Variants in LRRC15 observed in about 807,000 individuals in gnomAD.
LRRC15 encodes leucine rich repeat containing 15.
A neutral mutation model predicts 4.3 loss-of-function variants in LRRC15; 5 were observed. The observed-to-expected ratio is 1.16, with a 90% CI of 0.61 to 2.44. The LOEUF (loss-of-function observed/expected upper bound fraction) is 2.44. LRRC15 is among the 30% of genes most tolerant of loss of function. LRRC15 has a pLI of 0.01. For synonymous variants in LRRC15, 337 were observed against 323.2 expected, an observed-to-expected ratio of 1.04 and a Z score of -0.46; for missense variants, 769 against 747.0, an observed-to-expected ratio of 1.03 and a Z score of -0.34.
chr3:194,364,243 G>C (rs1205304830), intron 1 of LRRC15, among the ~76,000 whole-genome samples: 4 of 152,160 alleles, frequency 2.6e-5, no homozygotes, highest in African/African-American at 9.7e-5. Flanking sequence ...TGTCCACCAA[G>C]ACAACGGTGC....
intron 1 of LRRC15, among the ~76,000 whole-genome samples, chr3:194,364,851 G>A (rs914904090): frequency 8.5e-5 from 13 of 152,356 alleles, no homozygotes; most frequent in South Asian, 2.1e-4. Context: ...TGGCGGCCAG[G>A]GCTCCACAGG....
At chr3:194,364,640 G>A (rs747313156) in intron 1 of LRRC15, among the ~76,000 whole-genome samples, 4 of 152,196 alleles carry the variant, frequency 2.6e-5, no homozygotes, top group Admixed American at 2.6e-4. Flanking sequence ...GCCAGGGAAG[G>A]TGCCCCTTGA....
Position 194,360,893 on chromosome 3 carries a change from G to A in LRRC15, c.151C>T (p.Leu51=). The A allele has an allele frequency of 6.2e-7, 1 of 1,606,880 alleles. No individual in the cohort carries two copies. Reference sequence around the variant, plus strand: ...TGCAGGCTCATGGCGTTCCAGGGCAGAGGGGTGGGCACTGCCACAATGCGT... The same window carrying A: ...TGCAGGCTCATGGCGTTCCAGGGCAAAGGGGTGGGCACTGCCACAATGCGT... ...GARIVAVPTP[L]PWNAMSLQIL... Residue 51 remains leucine (L), a synonymous_variant, in exon 2 of 2, where the codon CTG becomes TTG. Coordinates refer to ENST00000347624, the MANE Select transcript of LRRC15 (RefSeq NM_130830.5).
intron 1 of LRRC15, among the ~76,000 whole-genome samples, chr3:194,366,325 G>A (rs762053608): frequency 2.0e-5 from 3 of 152,240 alleles, no homozygotes; most frequent in Admixed American, 6.5e-5. Context: ...GTGAGTTCTT[G>A]GCACAAAGTG....
chr3:194,359,568 G>C lies in LRRC15; in HGVS notation c.1476C>G (p.Asp492Glu). ...ATGTGGTGTCAGGGTAACTGGGTGT[G>C]TCTGGGTACCATGGTGTTTCTGGGT... ...PSYPETPWYP[D>E]TPSYPDTTSV... Residue 492 changes from aspartate to glutamate, a missense_variant, in exon 2 of 2, where the codon GAC (aspartate) becomes GAG (glutamate). Asp to Glu is a conservative substitution (Grantham distance 45, BLOSUM62 2). Coordinates refer to ENST00000347624, the MANE Select transcript of LRRC15 (RefSeq NM_130830.5). 1 of 1,614,040 alleles carries C rather than the reference G, an allele frequency of 6.2e-7. No homozygotes were observed. The highest frequency in any genetic ancestry group is 8.5e-7 in the Non-Finnish European group (1 of 1,179,960).
intron 1 of LRRC15, among the ~76,000 whole-genome samples, chr3:194,368,098 A>G (rs1306411422): frequency 6.6e-6 from 1 of 152,234 alleles, no homozygotes; most frequent in East Asian, 1.9e-4. Context: ...GAAATGGATC[A>G]GCCCCTGATC....
At chr3:194,362,140 G>GTGTGTA (rs1250900408) in intron 1 of LRRC15, among the ~76,000 whole-genome samples, 6 of 146,112 alleles carry the variant, frequency 4.1e-5, no homozygotes, top group African/African-American at 1.5e-4. Flanking sequence ...GTGTGTGTAT[G>GTGTGTA]TGTGTGTGTG....
At chr3:194,363,113 G>A (rs1015070235) in intron 1 of LRRC15, among the ~76,000 whole-genome samples, 1 of 151,898 alleles carries the variant, frequency 6.6e-6, no homozygotes, top group Non-Finnish European at 1.5e-5. Flanking sequence ...GCTAACTTTT[G>A]TATTTTTAGT....
rs1576998194 is a variant in LRRC15, at chr3:194,359,765, A to T, written c.1279T>A (p.Cys427Ser). 1 of 1,613,876 alleles carries T rather than the reference A, an allele frequency of 6.2e-7. No individual in the cohort carries two copies. Among genetic ancestry groups the T allele is most frequent in the African/African-American group, 1.3e-5 (1 of 74,876 alleles). Residue 427 changes from cysteine (C) to serine (S), a missense_variant, in exon 2 of 2, where the codon TGT (cysteine) becomes AGT (serine). Coordinates refer to ENST00000347624, the MANE Select transcript of LRRC15 (RefSeq NM_130830.5). ...ELRLYDNPWR[C>S]DSDILPLRNW... ...CGGAGCGGAAGGATGTCTGAGTCAC[A>T]CCTCCAGGGATTGTCATACAGCCGC...
At chr3:194,365,061 G>A (rs1210885986) in intron 1 of LRRC15, among the ~76,000 whole-genome samples, 1 of 152,230 alleles carries the variant, frequency 6.6e-6, no homozygotes, top group Non-Finnish European at 1.5e-5. Flanking sequence ...CTGACAGATG[G>A]CAGTTAAAGG....
chr3:194,359,341 C>T lies in LRRC15; in HGVS notation c.1703G>A (p.Ser568Asn). 1 of 1,612,944 alleles carries T rather than the reference C, an allele frequency of 6.2e-7. No homozygotes were observed. Among genetic ancestry groups the T allele is most frequent in the Non-Finnish European group, 8.5e-7 (1 of 1,179,402 alleles). The change falls in exon 2 of 2, where the codon AGC becomes AAC. Residue 568 changes from serine (S) to asparagine (N), a missense_variant. Ser to Asn is a conservative substitution (Grantham distance 46). Transcript: ENST00000347624. ...CTTCATCTGCATCAGGACAGCTTGG[C>T]TCCTCTTCTTGCAGCAGCAACAGCC... is the stretch of plus-strand genomic sequence containing the variant. ...CVGCCCCKKR[S>N]QAVLMQMKAP...
intron 1 of LRRC15, among the ~76,000 whole-genome samples, chr3:194,366,735 G>A (rs1230703832): frequency 6.6e-6 from 1 of 152,184 alleles, no homozygotes. Flanking sequence ...TCCAGAAACG[G>A]TACTTAGAGC....
intron 1 of LRRC15, among the ~76,000 whole-genome samples, chr3:194,368,554 G>A (rs192751086): frequency 6.6e-5 from 10 of 152,266 alleles, no homozygotes; most frequent in Admixed American, 2.6e-4. Flanking sequence ...AGTGCCAGCC[G>A]TTAGAGCACT....
chr3:194,359,144 A>C lies in LRRC15; in HGVS notation c.*154T>G. On this transcript the variant is annotated 3_prime_UTR_variant, in exon 2 of 2. Transcript: ENST00000347624. Reference sequence around the variant, plus strand: ...GCACGACCTGCTTCTCTACGGGAGAATCAGGCAAGTCAGGAAGAGGTAGGC... The same window carrying C: ...GCACGACCTGCTTCTCTACGGGAGACTCAGGCAAGTCAGGAAGAGGTAGGC... The C allele has an allele frequency of 1.5e-6, 1 of 668,252 alleles. No individual in the cohort carries two copies. Among genetic ancestry groups the C allele is most frequent in the Non-Finnish European group, 2.4e-6 (1 of 408,714 alleles). The allele number at this position is 668,252 out of a possible 1,614,324, so 41.4% of individuals were successfully genotyped here.
Position 194,360,158 on chromosome 3 carries a change from G to A in LRRC15, c.886C>T (p.Arg296Trp), listed in dbSNP as rs180967725. 125 of 1,613,842 alleles carry A rather than the reference G, an allele frequency of 7.7e-5. 2 individuals carry two copies. In the East Asian group the frequency reaches 2.3e-3, roughly 29 times the overall value. The change falls in exon 2 of 2, where the codon CGG (arginine) becomes TGG (tryptophan). Residue 296 changes from arginine (R) to tryptophan (W), a missense_variant. Physicochemically the swap from Arg to Trp is moderately radical, Grantham distance 101 (BLOSUM62 -3). Transcript: ENST00000347624. ...TGGTTGTCATAGAGCCAAAGCTCCC[G>A]CAGGTTGGGCATGGGCCCGAAGATC... is the stretch of plus-strand genomic sequence containing the variant. ...PGIFGPMPNL[R>W]ELWLYDNHIS...
In LRRC15 at chr3:194,356,667, T is replaced by G. The variant is rs1008035022; in HGVS notation, c.*2631A>C. The G allele has an allele frequency of 3.3e-5, 5 of 152,290 alleles. No individual in the cohort carries two copies. Among genetic ancestry groups the G allele is most frequent in the African/African-American group, 7.2e-5 (3 of 41,460 alleles). The allele number at this position is 152,290 out of a possible 1,614,324, so 9.4% of individuals were successfully genotyped here. A position where few individuals can be genotyped will look rare whatever the true frequency, so the allele number is the denominator to read the frequency against. On this transcript the variant is annotated 3_prime_UTR_variant, in exon 2 of 2. Coordinates refer to ENST00000347624, the MANE Select transcript of LRRC15 (RefSeq NM_130830.5). ...TCATCTGAGGACAGTGGCCCTCAGG[T>G]CAGCCTCTGGCTGGAGAGGAAGGTG... is the stretch of plus-strand genomic sequence containing the variant.
At chr3:194,361,143 C>T in intron 1 of LRRC15, 97 bp from the exon 2 acceptor site, 1 of 1,060,038 alleles carries the variant, frequency 9.4e-7, no homozygotes. Flanking sequence ...GCTGGCTTGG[C>T]TTTGAACCCC....
In LRRC15 at chr3:194,367,810, C is replaced by T. The variant is rs147990519; in HGVS notation, c.-4+1851G>A. Among the ~76,000 whole-genome samples the T allele has an allele frequency of 5.5e-3, 841 of 152,384 alleles. 5 individuals are homozygous for T. Among genetic ancestry groups the T allele is most frequent in the African/African-American group, 0.019 (795 of 41,594 alleles). On this transcript the variant is annotated intron_variant, in intron 1 of 1. Transcript: ENST00000347624. ...GCGGGGACCCGCGTCTCTCATCTCT[C>T]ATGGCCCTTCAAAGCCAACATGTTG...
chr3:194,360,987 C>T lies in LRRC15; in HGVS notation c.57G>A (p.Gly19=), dbSNP rs1390858629. ...LLVGCQAWGA[G]LAYHGCPSEC... ...CGCTAGGGCAGCCATGGTAGGCCAACCCTGCACCCCAGGCTTGGCAGCCCA... is the reference window on the plus strand; with the variant it reads ...CGCTAGGGCAGCCATGGTAGGCCAATCCTGCACCCCAGGCTTGGCAGCCCA... Residue 19 remains glycine, a synonymous_variant, in exon 2 of 2, where the codon GGG becomes GGA. Transcript: ENST00000347624. The T allele has an allele frequency of 6.5e-7, 1 of 1,541,564 alleles. No individual in the cohort carries two copies.
Sources: gnomAD v4.1 joint callset for allele counts (sites outside exome capture counted in the v4.1 genomes callset) on GRCh38, gnomAD v4.1.1 for gene constraint, MANE v1.5 for transcripts, NCBI Gene and HGNC (gene_info 2026-07-23, HGNC 2026-07-21) for gene names.